DLEC1: variants seen among roughly 807,000 people sequenced by gnomAD.
DLEC1 encodes the protein DLEC1 cilia and flagella associated protein.
Under a neutral mutation model 198.1 loss-of-function variants are expected in DLEC1, and 146 were observed. That is an observed-to-expected ratio of 0.74 (90% confidence interval 0.64 to 0.85). The LOEUF is 0.85. DLEC1 is among the 40% of genes least tolerant of loss of function. DLEC1 has a pLI of 0.00. For synonymous variants in DLEC1, 897 were observed against 866.8 expected (o/e 1.03, Z -0.61); for missense variants, 2,233 against 2,220.0 (o/e 1.01, Z -0.12).
chr3:38,045,494 G>T (rs1255613201), intron 1 of DLEC1, 49 bp from the exon 2 acceptor site: 3 of 1,585,586 alleles, frequency 1.9e-6, no homozygotes, highest in South Asian at 1.2e-5. Flanking sequence ...GCTAAGTAAT[G>T]GTAAGTAATC....
intron 18 of DLEC1, among the ~76,000 whole-genome samples, chr3:38,098,743 A>G (rs1699158998): frequency 6.6e-6 from 1 of 152,182 alleles, no homozygotes. Flanking sequence ...TTATTTTGCT[A>G]GTGTGCATTC....
At chr3:38,109,803 A>G in intron 22 of DLEC1, 1 of 753,878 alleles carries the variant, frequency 1.3e-6, no homozygotes, top group East Asian at 2.7e-5. Flanking sequence ...GGCAGGCAGG[A>G]GATGGCAGGG....
rs1696736017 is a variant in DLEC1 at position 38,062,382 on chromosome 3, G to C, written c.873+14G>C. On this transcript the variant is annotated intron_variant, in intron 4 of 36. Coordinates refer to ENST00000308059, the MANE Select transcript of DLEC1 (RefSeq NM_007335.4). ...GAACCTCTCAAGGTCAGTTTGGAAG[G>C]CTGTGCAGAGCAGTGTTTGGGGGGA... The C allele has an allele frequency of 2.5e-6, 4 of 1,613,992 alleles. No homozygotes were observed. Among genetic ancestry groups the C allele is most frequent in the African/African-American group, 1.3e-5 (1 of 74,942 alleles).
chr3:38,093,951 G>T (rs1698878295), intron 12 of DLEC1, among the ~76,000 whole-genome samples, 184 bp downstream of exon 12: 1 of 152,140 alleles, frequency 6.6e-6, no homozygotes. Flanking sequence ...GCCACTCTTG[G>T]CTACTTAAAT....
Position 38,097,782 on chromosome 3 carries a change from T to C in DLEC1, c.2604T>C (p.Phe868=), listed in dbSNP as rs1289852944. The change falls in exon 18 of 37, where the codon TTT becomes TTC. Residue 868 remains phenylalanine (F), a synonymous_variant. Transcript: ENST00000308059. ...TCATCAACGTCTCAGCCCTTCAGTT[T>C]GGTCTGCTCCGCCTGGGGCAGAAAG... is the stretch of plus-strand genomic sequence containing the variant. The part of the protein sequence containing the change: ...ALIINVSALQ[F]GLLRLGQKAT... 1 of 1,613,930 alleles carries C rather than the reference T, an allele frequency of 6.2e-7. No individual in the cohort carries two copies. Among genetic ancestry groups the C allele is most frequent in the East Asian group, 2.2e-5 (1 of 44,856 alleles).
At chr3:38,083,520 A>G (rs1178639553) in intron 6 of DLEC1, among the ~76,000 whole-genome samples, 1 of 151,202 alleles carries the variant, frequency 6.6e-6, no homozygotes, top group African/African-American at 2.4e-5. Context: ...GGCAAGGACC[A>G]GCCATTTACA....
rs759659467 is a variant in DLEC1, at chr3:38,096,713, G to A, written c.2316G>A (p.Gly772=). The change falls in exon 15 of 37, where the codon GGG becomes GGA. Residue 772 remains glycine (G), a synonymous_variant. Transcript: ENST00000308059. ...ALIIPGENYI[G]INVKKAFKMW... Reference sequence around the variant, plus strand: ...TCATCCCAGGGGAGAACTACATTGGGATAAATGTGAAGAAGGCTTTTAAGG... The same window carrying A: ...TCATCCCAGGGGAGAACTACATTGGAATAAATGTGAAGAAGGCTTTTAAGG... The A allele has an allele frequency of 5.6e-6, 9 of 1,610,934 alleles. No homozygotes were observed. The Admixed American group carries it at 1.5e-4, about 27-fold the overall frequency.
chr3:38,111,011 C>A (rs1220902156), intron 23 of DLEC1, among the ~76,000 whole-genome samples: 2 of 152,178 alleles, frequency 1.3e-5, no homozygotes, highest in African/African-American at 4.8e-5. Context: ...CACACATACA[C>A]ATAGGTGTGC....
chr3:38,113,449 G>C (rs1257711205), intron 25 of DLEC1, among the ~76,000 whole-genome samples: 1 of 151,668 alleles, frequency 6.6e-6, no homozygotes, highest in Middle Eastern at 3.2e-3. Context: ...CCAGCACTTA[G>C]GGAGGCTGAG....
Position 38,123,551 on chromosome 3 carries a change from T to A in DLEC1, c.*1139T>A, listed in dbSNP as rs562638161. 5.9e-6 allele frequency: 1 copy of A among 170,872 alleles called. No homozygotes were observed. The highest frequency in any genetic ancestry group is 2.4e-5 in the African/African-American group (1 of 41,742). The allele number at this position is 170,872 out of a possible 1,614,324, so 10.6% of individuals were successfully genotyped here. A position where few individuals can be genotyped will look rare whatever the true frequency, so the allele number is the denominator to read the frequency against. On this transcript the variant is annotated 3_prime_UTR_variant, in exon 37 of 37. Transcript: ENST00000308059. ...AAAATATAATTCTGGAAAAAATAATTTGGAAGCCTGGCCTGGTGGCATCTA... is the reference window on the plus strand; with the variant it reads ...AAAATATAATTCTGGAAAAAATAATATGGAAGCCTGGCCTGGTGGCATCTA...
At chr3:38,039,860 G>A (rs527692151) in intron 1 of DLEC1, among the ~76,000 whole-genome samples, 1 of 152,326 alleles carries the variant, frequency 6.6e-6, no homozygotes, top group East Asian at 1.9e-4. Flanking sequence ...GCATATATCT[G>A]TAGCACCTGT....
intron 6 of DLEC1, among the ~76,000 whole-genome samples, chr3:38,073,201 G>T (rs1266183846): frequency 2.0e-5 from 3 of 152,212 alleles, no homozygotes; most frequent in African/African-American, 7.2e-5. Flanking sequence ...GAGGACAAAA[G>T]AGTGTATGGG....
intron 32 of DLEC1, 65 bp from the exon 33 acceptor site, chr3:38,117,741 A>G: frequency 6.3e-7 from 1 of 1,599,084 alleles, no homozygotes; most frequent in Non-Finnish European, 8.6e-7. Flanking sequence ...GCCCTACCCT[A>G]GAGCCATGGG....
At chr3:38,079,313 G>C (rs1225718532) in intron 6 of DLEC1, among the ~76,000 whole-genome samples, 1 of 152,164 alleles carries the variant, frequency 6.6e-6, no homozygotes, top group African/African-American at 2.4e-5. Flanking sequence ...GTCTAAGTTA[G>C]CACCAGAGTT....
intron 2 of DLEC1, among the ~76,000 whole-genome samples, chr3:38,057,604 T>G (rs1403485280): frequency 1.3e-5 from 2 of 152,176 alleles, no homozygotes; most frequent in African/African-American, 4.8e-5. Flanking sequence ...ATTTGACATG[T>G]TATATTTAAG....
chr3:38,109,345 A>G, intron 21 of DLEC1, 87 bp from the exon 22 acceptor site: 2 of 1,560,278 alleles, frequency 1.3e-6, no homozygotes, highest in Non-Finnish European at 1.7e-6. Context: ...AAGGCTCCAC[A>G]GCAATCCCCT....
intron 19 of DLEC1, among the ~76,000 whole-genome samples, chr3:38,101,168 C>A (rs536395918): frequency 6.6e-6 from 1 of 152,280 alleles, no homozygotes; most frequent in South Asian, 2.1e-4. Flanking sequence ...ATAAAATATT[C>A]ATTTTCCTGC....
At position 38,115,577 on chromosome 3, in the gene DLEC1, G is replaced by C. The variant is rs111296719; in HGVS notation, c.3856+524G>C. Among the ~76,000 whole-genome samples, 198 of 152,244 alleles carry C rather than the reference G, an allele frequency of 1.3e-3. 1 individual carries two copies. The highest frequency in any genetic ancestry group is 4.6e-3 in the African/African-American group (191 of 41,560). ...AAAGAGTGCTCTGGGCCTGAGAAAG[G>C]GTTAGGAGAGGAAGCTGGTGACACT... On this transcript the variant is annotated intron_variant, in intron 27 of 36. Transcript: ENST00000308059.
intron 26 of DLEC1, 121 bp from the exon 27 acceptor site, chr3:38,114,862 C>T (rs530996324): frequency 7.3e-4 from 616 of 841,808 alleles, no homozygotes; most frequent in Non-Finnish European, 1.1e-3. Flanking sequence ...CATTAATTCT[C>T]GAGTGAGGCC....
Sources: allele counts gnomAD v4.1 joint callset (sites outside exome capture counted in the v4.1 genomes callset), GRCh38; gene constraint gnomAD v4.1.1; transcripts MANE v1.5; gene names NCBI Gene and HGNC (gene_info 2026-07-23, HGNC 2026-07-21).